MAST4: variants seen among roughly 807,000 people sequenced by gnomAD.
The protein encoded by MAST4 is microtubule-associated serine/threonine-protein kinase 4.
A neutral mutation model predicts 162.7 loss-of-function variants in MAST4; 89 were observed. The ratio of observed to expected loss-of-function variants is 0.55; its 90% confidence interval spans 0.46 to 0.65. The LOEUF (loss-of-function observed/expected upper bound fraction) is 0.65, where lower values mean the gene tolerates loss of function less well. Among genes scored for constraint, MAST4 ranks in the 30% least tolerant of loss-of-function variants. MAST4 has a pLI of 0.00. For missense variants in MAST4, 3,153 were observed against 3,374.0 expected, an observed-to-expected ratio of 0.93 and a Z score of 1.62; for synonymous variants, 1,479 against 1,361.1, an observed-to-expected ratio of 1.09 and a Z score of -1.91.
Position 67,120,942 on chromosome 5 carries a change from A to G in MAST4, c.1660-75A>G. On this transcript the variant is annotated intron_variant, in intron 13 of 28. Transcript: ENST00000403625. The stretch of plus-strand genomic sequence containing the variant: ...TATTACATAACAGCATGTCCTTCAA[A>G]TATTATCTATTTTGCTGATAAAATA... The G allele has an allele frequency of 3.7e-6, 4 of 1,073,108 alleles. No homozygotes were observed. In the South Asian group the frequency reaches 5.6e-5, roughly 15 times the overall value. 66.5% of individuals were successfully genotyped at this position (1,073,108 alleles called of 1,614,324 possible). A position where few individuals can be genotyped will look rare whatever the true frequency, so the allele number is the denominator to read the frequency against.
chr5:67,153,931 T>G (rs1219024112), intron 26 of MAST4, among the ~76,000 whole-genome samples: 1 of 152,238 alleles, frequency 6.6e-6, no homozygotes, highest in Non-Finnish European at 1.5e-5. Context: ...TCTAGTATAC[T>G]AGAAGACAAA....
intron 1 of MAST4, among the ~76,000 whole-genome samples, chr5:66,742,116 C>T (rs1204209670): frequency 6.6e-6 from 1 of 152,184 alleles, no homozygotes; most frequent in Non-Finnish European, 1.5e-5. Context: ...GATCCACACG[C>T]CTTCATTGCA....
intron 4 of MAST4, among the ~76,000 whole-genome samples, chr5:66,901,452 G>A (rs1022832617): frequency 2.6e-5 from 4 of 152,004 alleles, no homozygotes; most frequent in Admixed American, 1.3e-4. Flanking sequence ...TTAGCTGATA[G>A]CCATGATTTG....
chr5:66,958,149 AAGAG>A (rs887709783), intron 4 of MAST4, among the ~76,000 whole-genome samples: 26 of 150,844 alleles, frequency 1.7e-4, no homozygotes, highest in African/African-American at 5.3e-4. Flanking sequence ...GTGAAAGAGA[AAGAG>A]AGAGAGAGAA....
At chr5:66,801,362 C>G (rs1211508378) in intron 3 of MAST4, among the ~76,000 whole-genome samples, 2 of 151,986 alleles carry the variant, frequency 1.3e-5, no homozygotes, top group African/African-American at 2.4e-5. Context: ...GCGGCTGTGA[C>G]TATCAGCCAA....
intron 1 of MAST4, among the ~76,000 whole-genome samples, chr5:66,722,665 CT>C (rs1751290098): frequency 6.6e-6 from 1 of 152,116 alleles, no homozygotes; most frequent in Non-Finnish European, 1.5e-5. Flanking sequence ...TGAATTAAGG[CT>C]ATGATTTTGC....
intron 6 of MAST4, chr5:67,093,790 T>C (rs1204338152): frequency 5.5e-6 from 2 of 366,258 alleles, no homozygotes; most frequent in African/African-American, 2.1e-5. Flanking sequence ...CCTCACTCTT[T>C]CCAGAGACTA....
chr5:67,049,043 GTGTATATATATATATACGTA>G lies in MAST4; in HGVS notation c.675-5359_675-5340del, dbSNP rs1757802800. Among the ~76,000 whole-genome samples, 4 of 54,106 alleles carry G rather than the reference GTGTATATATATATATACGTA, an allele frequency of 7.4e-5. 1 individual carries two copies. Among genetic ancestry groups the G allele is most frequent in the African/African-American group, 4.2e-4 (4 of 9,424 alleles). The allele number at this position is 54,106 out of a possible 152,430, so 35.5% of individuals were successfully genotyped here. On this transcript the variant is annotated intron_variant, in intron 4 of 28. Transcript: ENST00000403625. ...TATACGTATATATATATATATATACGTGTATATATATATATACGTATATATATATATATATACACTACCAT... is the reference window on the plus strand; with the variant it reads ...TATACGTATATATATATATATATACGTATATATATATATATACACTACCAT...
intron 19 of MAST4, among the ~76,000 whole-genome samples, chr5:67,138,948 A>T (rs1289919280): frequency 6.6e-6 from 1 of 152,246 alleles, no homozygotes; most frequent in Non-Finnish European, 1.5e-5. Context: ...CAAGGATGTG[A>T]TAATGATCAG....
At chr5:67,001,800 T>G (rs1040756876) in intron 4 of MAST4, 2 of 152,236 alleles carry the variant, frequency 1.3e-5, no homozygotes, top group Non-Finnish European at 2.9e-5. Context: ...AAGTTTTCTC[T>G]GCTCAAACAG....
At chr5:66,685,122 C>T (rs542869436) in intron 1 of MAST4, among the ~76,000 whole-genome samples, 11 of 151,866 alleles carry the variant, frequency 7.2e-5, no homozygotes, top group Non-Finnish European at 1.5e-4. Context: ...ATTAGCTAGG[C>T]GCGGTGGTGC....
chr5:66,737,568 C>T (rs764200359), intron 1 of MAST4, among the ~76,000 whole-genome samples: 1 of 152,144 alleles, frequency 6.6e-6, no homozygotes, highest in African/African-American at 2.4e-5. Context: ...TCCTTGGCCT[C>T]GTATCTCTCC....
chr5:67,118,342 T>C (rs1049035061), intron 12 of MAST4, among the ~76,000 whole-genome samples: 3 of 152,226 alleles, frequency 2.0e-5, no homozygotes, highest in African/African-American at 7.2e-5. Context: ...TGGAAAGATG[T>C]GCCTCTCTCA....
intron 1 of MAST4, among the ~76,000 whole-genome samples, chr5:66,742,592 G>C (rs541629743): frequency 6.6e-6 from 1 of 152,254 alleles, no homozygotes; most frequent in South Asian, 2.1e-4. Context: ...AGGGACTCTT[G>C]ACAAATTATT....
Position 66,952,598 on chromosome 5 carries a change from A to G in MAST4, c.674+52616A>G, listed in dbSNP as rs560819500. Among the ~76,000 whole-genome samples the G allele has an allele frequency of 2.6e-5, 4 of 152,252 alleles. No individual in the cohort carries two copies. The South Asian group carries it at 8.3e-4, about 32-fold the overall frequency. ...TACAATCCTTGAGACCCAAACTTGC[A>G]TATGGTTCATCTTTGCATCCCTGAT... On this transcript the variant is annotated intron_variant, in intron 4 of 28. Coordinates refer to ENST00000403625, the MANE Select transcript of MAST4 (RefSeq NM_001164664.2).
chr5:66,669,051 G>A (rs1415546130), intron 1 of MAST4, among the ~76,000 whole-genome samples: 1 of 152,224 alleles, frequency 6.6e-6, no homozygotes, highest in African/African-American at 2.4e-5. Flanking sequence ...AGCATCCTTA[G>A]TACATGTTCC....
intron 19 of MAST4, among the ~76,000 whole-genome samples, chr5:67,139,636 T>G (rs1770116181): frequency 6.6e-6 from 1 of 152,254 alleles, no homozygotes; most frequent in South Asian, 2.1e-4. Flanking sequence ...GGTATCTAGT[T>G]CATTTACTAA....
chr5:66,628,650 A>G (rs1024427187), intron 1 of MAST4, among the ~76,000 whole-genome samples: 7 of 152,104 alleles, frequency 4.6e-5, no homozygotes, highest in Admixed American at 1.3e-4. Flanking sequence ...GCGGGGGGAA[A>G]GTCACGGTGA....
At chr5:66,695,068 A>G (rs1580218530) in intron 1 of MAST4, among the ~76,000 whole-genome samples, 1 of 151,916 alleles carries the variant, frequency 6.6e-6, no homozygotes. Context: ...ATTGCTTTTG[A>G]CGCTTTTGTC....
Sources: allele counts gnomAD v4.1 joint callset (sites outside exome capture counted in the v4.1 genomes callset), GRCh38; gene constraint gnomAD v4.1.1; transcripts MANE v1.5; gene names NCBI Gene and HGNC (gene_info 2026-07-23, HGNC 2026-07-21).